PHF24: variants seen among roughly 807,000 people sequenced by gnomAD.
PHF24 encodes the protein Galpha inhibitory interacting protein.
PHF24 carries 25 observed loss-of-function variants against 42.6 expected under a neutral mutation model. That is an observed-to-expected ratio of 0.59 (90% CI 0.43 to 0.82). The LOEUF is 0.82. Ranked by LOEUF, PHF24 falls within the 40% of genes least tolerant of loss-of-function variation. The pLI is 0.00. For missense variants in PHF24, 470 were observed against 538.1 expected, an observed-to-expected ratio of 0.87 and a Z score of 1.25; for synonymous variants, 185 against 204.8, an observed-to-expected ratio of 0.90 and a Z score of 0.83.
At chr9:34,793,875 T>C in the PHF24 span, among the ~76,000 whole-genome samples, 1 of 151,420 alleles carries the variant, frequency 6.6e-6, no homozygotes, top group Admixed American at 6.6e-5. Flanking sequence ...CTGAGGTCCC[T>C]AGAGGGCGGG....
chr9:34,920,950 A>G, the PHF24 span, among the ~76,000 whole-genome samples: 1 of 152,210 alleles, frequency 6.6e-6, no homozygotes, highest in Non-Finnish European at 1.5e-5. Context: ...GCAAACAAGA[A>G]AAATTTGACT....
intron 7 of PHF24, 95 bp from the exon 8 acceptor site, chr9:34,977,920 T>G: frequency 9.9e-7 from 1 of 1,012,670 alleles, no homozygotes; most frequent in Non-Finnish European, 1.6e-6. Context: ...CTCACGCGTC[T>G]TCAAACCAGC....
the PHF24 span, among the ~76,000 whole-genome samples, chr9:34,731,379 C>G: frequency 6.6e-6 from 1 of 152,108 alleles, no homozygotes; most frequent in African/African-American, 2.4e-5. Context: ...CTTATTTATT[C>G]TATCTAATTA....
chr9:34,787,316 A>G, the PHF24 span, among the ~76,000 whole-genome samples: 5 of 151,866 alleles, frequency 3.3e-5, no homozygotes, highest in East Asian at 9.7e-4. Flanking sequence ...ACATTTTTTA[A>G]TTTTTAAAAT....
At chr9:34,882,338 A>G in the PHF24 span, among the ~76,000 whole-genome samples, 1 of 152,326 alleles carries the variant, frequency 6.6e-6, no homozygotes, top group East Asian at 1.9e-4. Flanking sequence ...CTCCTATTCA[A>G]CATAGTGTTG....
At chr9:34,803,787 A>G in the PHF24 span, among the ~76,000 whole-genome samples, 3 of 152,242 alleles carry the variant, frequency 2.0e-5, no homozygotes, top group African/African-American at 7.2e-5. Context: ...TATTAAAACA[A>G]GGCATACATT....
At chr9:34,938,639 T>G in the PHF24 span, among the ~76,000 whole-genome samples, 10 of 152,194 alleles carry the variant, frequency 6.6e-5, no homozygotes, top group Admixed American at 5.2e-4. Flanking sequence ...AAAAAAGCCA[T>G]GAGCCTGTTG....
chr9:34,733,824 A>T, the PHF24 span, among the ~76,000 whole-genome samples: 1 of 151,990 alleles, frequency 6.6e-6, no homozygotes, highest in Non-Finnish European at 1.5e-5. Context: ...GTTTTAAGTC[A>T]CACTTAGAAA....
chr9:34,954,597 A>C (rs554158548), upstream of PHF24, among the ~76,000 whole-genome samples: 20 of 152,302 alleles, frequency 1.3e-4, no homozygotes, highest in Non-Finnish European at 2.1e-4. Flanking sequence ...ATTTCCCCCC[A>C]CAGTCTCTTT....
At chr9:34,883,136 G>A in the PHF24 span, among the ~76,000 whole-genome samples, 8 of 152,286 alleles carry the variant, frequency 5.3e-5, no homozygotes, top group Admixed American at 2.6e-4. Flanking sequence ...TTTAATAGAT[G>A]GTGCTGGGAA....
the PHF24 span, chr9:34,893,204 C>T: frequency 4.5e-5 from 21 of 469,422 alleles, no homozygotes; most frequent in Admixed American, 3.6e-4. Context: ...TCTGCCTTCT[C>T]GGAAAAGTGT....
At chr9:34,698,778 C>A in the PHF24 span, among the ~76,000 whole-genome samples, 1 of 152,184 alleles carries the variant, frequency 6.6e-6, no homozygotes, top group South Asian at 2.1e-4. Flanking sequence ...CCGTGCCCAG[C>A]CAAAGCTGAT....
chr9:34,719,095 G>A, the PHF24 span, among the ~76,000 whole-genome samples: 4 of 152,246 alleles, frequency 2.6e-5, no homozygotes, highest in African/African-American at 9.6e-5. Flanking sequence ...GCAGTGGCAC[G>A]ATCTTGATCT....
At chr9:34,870,474 A>T in the PHF24 span, among the ~76,000 whole-genome samples, 7 of 151,868 alleles carry the variant, frequency 4.6e-5, no homozygotes, top group East Asian at 1.2e-3. Flanking sequence ...CTGTCTCCAT[A>T]GTTTTACCCT....
chr9:34,978,130 G>T, exon 8 of PHF24: 1 of 1,584,770 alleles, frequency 6.3e-7, no homozygotes, highest in Non-Finnish European at 8.7e-7. Context: ...AGAGAAGCTC[G>T]GTTTGAGGAC....
the PHF24 span, chr9:34,727,056 G>A: frequency 6.7e-7 from 1 of 1,497,136 alleles, no homozygotes; most frequent in Admixed American, 2.1e-5. Context: ...GTGTGGGCTG[G>A]AGTGGGCACT....
the PHF24 span, among the ~76,000 whole-genome samples, chr9:34,908,451 T>C: frequency 6.6e-6 from 1 of 152,214 alleles, no homozygotes; most frequent in South Asian, 2.1e-4. Context: ...TAGGAAAATA[T>C]GTAGTATGTT....
At chr9:34,776,271 A>T in the PHF24 span, among the ~76,000 whole-genome samples, 1 of 152,346 alleles carries the variant, frequency 6.6e-6, no homozygotes, top group South Asian at 2.1e-4. Flanking sequence ...ACAACTGGAG[A>T]AGTAATCCAA....
intron 1 of PHF24, among the ~76,000 whole-genome samples, chr9:34,959,201 C>T (rs1408200857): frequency 6.6e-6 from 1 of 152,142 alleles, no homozygotes; most frequent in African/African-American, 2.4e-5. Flanking sequence ...TAGGTTTGAC[C>T]GTGCGGAAGG....
Sources: gnomAD v4.1 joint callset for allele counts (sites outside exome capture counted in the v4.1 genomes callset) on GRCh38, gnomAD v4.1.1 for gene constraint, MANE v1.5 for transcripts, NCBI Gene and HGNC (gene_info 2026-07-23, HGNC 2026-07-21) for gene names.